The following BCL2 variants were observed in gnomAD, a reference collection of about 807,000 sequenced individuals.
The protein encoded by BCL2 is BCL2 apoptosis regulator, also known as apoptosis regulator Bcl-2.
In BCL2, 1 loss-of-function variant was observed where a neutral mutation model predicts 14.2. The observed-to-expected ratio is 0.07, with a 90% CI of 0.02 to 0.33. The LOEUF is 0.33. Ranked by LOEUF, BCL2 falls within the 10% of genes least tolerant of loss-of-function variation. The pLI is 0.99. For synonymous variants in BCL2, 151 were observed against 137.2 expected (o/e 1.10, Z -0.70); for missense variants, 247 against 305.9 (o/e 0.81, Z 1.44).
chr18:63,300,500 CTT>C (rs2144282686), intron 2 of BCL2, among the ~76,000 whole-genome samples: 1 of 148,718 alleles, frequency 6.7e-6, no homozygotes, highest in East Asian at 2.0e-4. Flanking sequence ...GTGTATTTTA[CTT>C]TGATATTGCT....
intron 2 of BCL2, among the ~76,000 whole-genome samples, chr18:63,263,271 G>A (rs999431343): frequency 2.6e-5 from 4 of 152,132 alleles, no homozygotes; most frequent in Admixed American, 6.5e-5. Context: ...AACCTCAAAC[G>A]TTTTTCAAAA....
At chr18:63,298,915 C>G (rs1912875991) in intron 2 of BCL2, among the ~76,000 whole-genome samples, 1 of 152,184 alleles carries the variant, frequency 6.6e-6, no homozygotes, top group Non-Finnish European at 1.5e-5. Flanking sequence ...CTGGAAGGCT[C>G]AAAAGCTGGG....
chr18:63,271,270 T>C (rs145187103), intron 2 of BCL2, among the ~76,000 whole-genome samples: 2 of 152,324 alleles, frequency 1.3e-5, no homozygotes, highest in African/African-American at 2.4e-5. Context: ...AAATAATAAA[T>C]TAAACCTAAC....
intron 2 of BCL2, among the ~76,000 whole-genome samples, chr18:63,198,772 C>T (rs1337555145): frequency 7.2e-6 from 1 of 138,888 alleles, no homozygotes; most frequent in Non-Finnish European, 1.6e-5. Context: ...GACACAGAGA[C>T]ACACAGACAC....
chr18:63,231,667 A>C (rs544637575), intron 2 of BCL2, among the ~76,000 whole-genome samples: 2 of 152,226 alleles, frequency 1.3e-5, no homozygotes, highest in East Asian at 3.9e-4. Flanking sequence ...GGAAAAAAAA[A>C]TTATAAAACT....
intron 2 of BCL2, among the ~76,000 whole-genome samples, chr18:63,249,396 T>C (rs1911241112): frequency 6.6e-6 from 1 of 152,156 alleles, no homozygotes; most frequent in Admixed American, 6.5e-5. Context: ...GGAAGTGCTT[T>C]AGAAATAATC....
chr18:63,150,223 G>A (rs1914620340), intron 2 of BCL2, among the ~76,000 whole-genome samples: 1 of 152,116 alleles, frequency 6.6e-6, no homozygotes, highest in Non-Finnish European at 1.5e-5. Flanking sequence ...AGTTTCCTTT[G>A]TCCAGATGCA....
chr18:63,293,254 T>C (rs112206657), intron 2 of BCL2, among the ~76,000 whole-genome samples: 147 of 152,338 alleles, frequency 9.6e-4, no homozygotes, highest in African/African-American at 3.5e-3. Flanking sequence ...TGAAATTCTC[T>C]CTAATTCCAC....
intron 2 of BCL2, among the ~76,000 whole-genome samples, chr18:63,258,775 C>T (rs770947564): frequency 1.2e-4 from 19 of 152,234 alleles, no homozygotes; most frequent in Non-Finnish European, 2.2e-4. Context: ...TGCCTACCAT[C>T]TCCATCTCAA....
rs945994354 is a variant in BCL2 at position 63,232,016 on chromosome 18, A to T, written c.585+86066T>A. Among the ~76,000 whole-genome samples the T allele has an allele frequency of 2.6e-5, 4 of 152,104 alleles. No individual in the cohort carries two copies. In the East Asian group the frequency reaches 7.7e-4, roughly 29 times the overall value. ...ACTAACGCAATAGAGAGAGCCCCACACATGTGGGAATTTGGTATGTGACAG... is the reference window on the plus strand; with the variant it reads ...ACTAACGCAATAGAGAGAGCCCCACTCATGTGGGAATTTGGTATGTGACAG... On this transcript the variant is annotated intron_variant, in intron 2 of 2. Coordinates refer to ENST00000333681, the MANE Select transcript of BCL2 (RefSeq NM_000633.3).
chr18:63,213,580 T>A (rs985523001), intron 2 of BCL2, among the ~76,000 whole-genome samples: 8 of 87,076 alleles, frequency 9.2e-5, no homozygotes, highest in South Asian at 4.0e-4. Flanking sequence ...ACACACACAC[T>A]ATGAAAATGA....
intron 2 of BCL2, among the ~76,000 whole-genome samples, chr18:63,204,399 C>T (rs1266363424): frequency 6.6e-6 from 1 of 152,198 alleles, no homozygotes; most frequent in Non-Finnish European, 1.5e-5. Flanking sequence ...CGGGGCCAAC[C>T]CCTCTCTGTT....
At chr18:63,317,423 C>T (rs1167561675) in intron 2 of BCL2, 7 of 541,884 alleles carry the variant, frequency 1.3e-5, no homozygotes, top group South Asian at 8.1e-5. Context: ...CACCTCATCA[C>T]GCCCACTGGG....
intron 2 of BCL2, among the ~76,000 whole-genome samples, chr18:63,301,376 T>G (rs2144284005): frequency 6.6e-6 from 1 of 152,330 alleles, no homozygotes; most frequent in Middle Eastern, 3.4e-3. Context: ...TTAAAATTGG[T>G]GGAAAACGTA....
At chr18:63,174,196 A>G (rs1915295174) in intron 2 of BCL2, among the ~76,000 whole-genome samples, 1 of 152,170 alleles carries the variant, frequency 6.6e-6, no homozygotes, top group Admixed American at 6.5e-5. Context: ...TTTGTTCCTC[A>G]TTTTACAGAT....
chr18:63,240,936 A>G (rs535055377), intron 2 of BCL2, among the ~76,000 whole-genome samples: 12 of 152,286 alleles, frequency 7.9e-5, no homozygotes, highest in Non-Finnish European at 1.2e-4. Context: ...CAAACGAGTC[A>G]GTAAATAAAT....
At chr18:63,207,589 ACTGC>A (rs1909874211) in intron 2 of BCL2, 1 of 152,248 alleles carries the variant, frequency 6.6e-6, no homozygotes, top group Admixed American at 6.5e-5. Context: ...ATTGTTCCAG[ACTGC>A]CTGGGAGCAC....
intron 2 of BCL2, among the ~76,000 whole-genome samples, chr18:63,182,840 G>A (rs1915509666): frequency 7.7e-6 from 1 of 129,612 alleles, no homozygotes; most frequent in Non-Finnish European, 1.5e-5. Context: ...TCCCTACCTG[G>A]GGTATTTGCC....
intron 2 of BCL2, among the ~76,000 whole-genome samples, chr18:63,296,650 G>A (rs1243322055): frequency 6.6e-6 from 1 of 152,108 alleles, no homozygotes; most frequent in Non-Finnish European, 1.5e-5. Flanking sequence ...AGGGCAGGCT[G>A]GCAACAGTGA....
Sources: gnomAD v4.1 joint callset for allele counts (sites outside exome capture counted in the v4.1 genomes callset) on GRCh38, gnomAD v4.1.1 for gene constraint, MANE v1.5 for transcripts, NCBI Gene and HGNC (gene_info 2026-07-23, HGNC 2026-07-21) for gene names.